Variants in DCHS2 observed in about 807,000 individuals in gnomAD.
DCHS2 encodes protocadherin-23.
Under a neutral mutation model 182.4 loss-of-function variants are expected in DCHS2, and 142 were observed. The observed-to-expected ratio is 0.78, with a 90% CI of 0.68 to 0.89. DCHS2 has a LOEUF of 0.89. Ranked by LOEUF, DCHS2 falls within the 40% of genes least tolerant of loss-of-function variation. The pLI is 0.00. For missense variants in DCHS2, 4,319 were observed against 4,198.6 expected, an observed-to-expected ratio of 1.03 and a Z score of -0.79; for synonymous variants, 1,740 against 1,663.3, an observed-to-expected ratio of 1.05 and a Z score of -1.12.
chr4:154,332,745 T>A lies in DCHS2; in HGVS notation c.3463A>T (p.Thr1155Ser), dbSNP rs1398356548. 1.9e-6 allele frequency: 3 copies of A among 1,614,190 alleles called. No individual in the cohort carries two copies. Among genetic ancestry groups the A allele is most frequent in the Admixed American group, 3.3e-5 (2 of 60,020 alleles). Residue 1155 changes from threonine (T) to serine (S), a missense_variant, in exon 5 of 20, where the codon ACA (threonine) becomes TCA (serine). Thr to Ser is a moderately conservative substitution (Grantham distance 58). Transcript: ENST00000357232. ...CAAGCAAACACTCTAAAATTATATG[T>A]TTGGGTGGATTCATAGTCAAACTGT... ...RRQFDYESTQ[T>S]YNFRVFAWIP...
chr4:154,279,146 T>C lies in DCHS2; in HGVS notation c.6464-9133A>G, dbSNP rs138820710. Among the ~76,000 whole-genome samples the C allele has an allele frequency of 2.4e-3, 372 of 152,242 alleles. 2 individuals carry two copies. Among genetic ancestry groups the C allele is most frequent in the African/African-American group, 8.4e-3 (350 of 41,582 alleles). ...AAGGAGCAGAGTCTTTTGTATGTAA[T>C]TGAGCTAGAGCTGTTATAAAGTAAA... On this transcript the variant is annotated intron_variant, in intron 13 of 19. Transcript: ENST00000357232.
intron 1 of DCHS2, among the ~76,000 whole-genome samples, chr4:154,458,120 G>C (rs1734849754): frequency 1.3e-5 from 2 of 151,556 alleles, no homozygotes; most frequent in East Asian, 3.9e-4. Flanking sequence ...TGAGTTAAAA[G>C]AAGAAAAAAG....
intron 1 of DCHS2, among the ~76,000 whole-genome samples, chr4:154,487,452 G>A (rs871541): frequency 0.7 from 105,934 of 152,058 alleles, 38,003 homozygotes; most frequent in East Asian, 0.99. Context: ...TACTTTGACA[G>A]TGTTAGTCAC....
At chr4:154,441,353 T>G (rs961280855) in intron 1 of DCHS2, among the ~76,000 whole-genome samples, 1 of 152,198 alleles carries the variant, frequency 6.6e-6, no homozygotes, top group Non-Finnish European at 1.5e-5. Context: ...GCAAAGGGAT[T>G]ACACAGTTCA....
intron 1 of DCHS2, among the ~76,000 whole-genome samples, chr4:154,385,553 T>A (rs1731373341): frequency 6.6e-6 from 1 of 152,134 alleles, no homozygotes; most frequent in South Asian, 2.1e-4. Context: ...AGTAGCACAA[T>A]CTCGGCTCAC....
intron 1 of DCHS2, among the ~76,000 whole-genome samples, chr4:154,410,366 G>A (rs1259436124): frequency 6.1e-5 from 8 of 132,182 alleles, no homozygotes; most frequent in African/African-American, 2.0e-4. Flanking sequence ...AACATTCAAC[G>A]AATAATATAA....
chr4:154,368,642 G>C (rs766085527), intron 2 of DCHS2, among the ~76,000 whole-genome samples: 1 of 151,674 alleles, frequency 6.6e-6, no homozygotes, highest in Non-Finnish European at 1.5e-5. Context: ...TCAGCCTCCC[G>C]AATAGCTGGG....
rs931313541 is a variant in DCHS2, at chr4:154,315,833, C to T, written c.5175G>A (p.Lys1725=). ...TCACTGAGGCTTCATACAGGTGCTG[C>T]TTAAATACTGGAGCTTCATCATTTA... ...LDVNDEAPVF[K]QHLYEASVKE... Residue 1725 remains lysine, a synonymous_variant, in exon 10 of 20, where the codon AAG becomes AAA. Transcript: ENST00000357232. 6.2e-7 allele frequency: 1 copy of T among 1,614,030 alleles called. No homozygotes were observed. Among genetic ancestry groups the T allele is most frequent in the South Asian group, 1.1e-5 (1 of 91,078 alleles).
intron 1 of DCHS2, among the ~76,000 whole-genome samples, chr4:154,486,964 G>A (rs539096824): frequency 6.6e-6 from 1 of 152,252 alleles, no homozygotes; most frequent in South Asian, 2.1e-4. Flanking sequence ...AAGCCAAGCT[G>A]AGCTCACCAT....
In DCHS2 at chr4:154,491,216, AG is replaced by A. The variant is rs1176044550; in HGVS notation, c.139del (p.Leu47CysfsTer27). 6.4e-7 allele frequency: 1 copy of A among 1,551,416 alleles called. No individual in the cohort carries two copies. Among genetic ancestry groups the A allele is most frequent in the South Asian group, 1.2e-5 (1 of 84,046 alleles). ...GSSGARTQRS[L>X]LWLLVHVWLW... The stretch of plus-strand genomic sequence containing the variant: ...CCACACGTGCACCAAGAGCCAGAGC[AG>A]GGAGCGCTGCGTCCTGGCGCCGCTG... On this transcript the variant is annotated frameshift_variant, in exon 1 of 20. Coordinates refer to ENST00000357232, the MANE Select transcript of DCHS2 (RefSeq NM_001358235.2). LOFTEE classifies it high-confidence loss of function.
chr4:154,290,285 A>G (rs1006912446), intron 13 of DCHS2, among the ~76,000 whole-genome samples: 4 of 152,112 alleles, frequency 2.6e-5, no homozygotes, highest in Non-Finnish European at 5.9e-5. Flanking sequence ...GATGAAAAAA[A>G]TTGAGGAGGC....
intron 1 of DCHS2, among the ~76,000 whole-genome samples, chr4:154,386,833 T>C (rs1026210377): frequency 1.3e-5 from 2 of 152,320 alleles, no homozygotes; most frequent in South Asian, 2.1e-4. Flanking sequence ...AACAAGATGG[T>C]TCGTGACACT....
rs12500437 is a variant in DCHS2 at position 154,323,323 on chromosome 4, G to T, written c.4019-835C>A. 0.9 allele frequency: 1,390,749 copies of T among 1,544,942 alleles called. 632,183 individuals carry two copies. Among genetic ancestry groups the T allele is most frequent in the South Asian group, 0.94 (78,887 of 83,726 alleles). On this transcript the variant is annotated intron_variant, in intron 7 of 19. Coordinates refer to ENST00000357232, the MANE Select transcript of DCHS2 (RefSeq NM_001358235.2). ...TGCTGTTTTTCCCTTCAGAGGCATAGGTCTAGCTGCCAAAAAAAAAAAAAA... is the reference window on the plus strand; with the variant it reads ...TGCTGTTTTTCCCTTCAGAGGCATATGTCTAGCTGCCAAAAAAAAAAAAAA...
chr4:154,305,118 G>C lies in DCHS2; in HGVS notation c.5374C>G (p.Gln1792Glu). 6.2e-7 allele frequency: 1 copy of C among 1,610,358 alleles called. No individual in the cohort carries two copies. The highest frequency in any genetic ancestry group is 1.3e-5 in the African/African-American group (1 of 74,910). ...VTTTILDREI[Q>E]EVFTLRVLVR... ...TTACCTCGAAGGGTGAAGACTTCTT[G>C]AATTTCTCTGTCAAGTATGGTGGTT... The change falls in exon 11 of 20, where the codon CAA (glutamine) becomes GAA (glutamate). Residue 1792 changes from glutamine to glutamate, a missense_variant. By Grantham distance (29) the Gln-to-Glu change is conservative (BLOSUM62 2). Transcript: ENST00000357232.
chr4:154,269,376 T>G (rs548291957), intron 14 of DCHS2: 1 of 152,858 alleles, frequency 6.5e-6, no homozygotes, highest in South Asian at 2.1e-4. Flanking sequence ...AAGTAATCAA[T>G]TGGTATTCAT....
rs765740474 is a variant in DCHS2, at chr4:154,236,930, G to A, written c.7722C>T (p.Ile2574=). The change falls in exon 20 of 20, where the codon ATC becomes ATT. Residue 2574 remains isoleucine (I), a synonymous_variant. Coordinates refer to ENST00000357232, the MANE Select transcript of DCHS2 (RefSeq NM_001358235.2). ...VGSTLVTFSN[I]DHDWTRENTY... Reference sequence around the variant, plus strand: ...TGTTTTCACGGGTCCAGTCATGGTCGATGTTTGAAAATGTAACAAGCGTGC... The same window carrying A: ...TGTTTTCACGGGTCCAGTCATGGTCAATGTTTGAAAATGTAACAAGCGTGC... 16 of 1,614,040 alleles carry A rather than the reference G, an allele frequency of 9.9e-6. No homozygotes were observed. The highest frequency in any genetic ancestry group is 3.3e-5 in the South Asian group (3 of 91,084).
chr4:154,390,062 C>T (rs894254733), intron 1 of DCHS2, among the ~76,000 whole-genome samples: 5 of 151,910 alleles, frequency 3.3e-5, no homozygotes, highest in African/African-American at 9.7e-5. Context: ...TTTCAGTGAA[C>T]TGACCTAGGC....
rs139778830 is a variant in DCHS2 at position 154,298,033 on chromosome 4, T to C, written c.6281A>G (p.Gln2094Arg). The change falls in exon 13 of 20, where the codon CAA becomes CGA. Residue 2094 changes from glutamine to arginine, a missense_variant. Gln to Arg is a conservative substitution (Grantham distance 43). Coordinates refer to ENST00000357232, the MANE Select transcript of DCHS2 (RefSeq NM_001358235.2). ...FSIDKYTGEI[Q>R]FQQNPSSEYF... is the part of the protein sequence containing the mutation. Reference sequence around the variant, plus strand: ...TTCTGAAGATGGATTTTGCTGAAATTGAATTTCTCCTGTGTATTTATCAAT... The same window carrying C: ...TTCTGAAGATGGATTTTGCTGAAATCGAATTTCTCCTGTGTATTTATCAAT... The C allele has an allele frequency of 6.9e-4, 1,112 of 1,614,086 alleles. 3 individuals are homozygous for C. The highest frequency in any genetic ancestry group is 5.3e-3 in the Middle Eastern group (32 of 6,062).
chr4:154,366,233 A>G lies in DCHS2; in HGVS notation c.2453T>C (p.Leu818Pro), dbSNP rs759909081. The G allele has an allele frequency of 1.2e-6, 2 of 1,613,702 alleles. No individual in the cohort carries two copies. The highest frequency in any genetic ancestry group is 1.7e-6 in the Non-Finnish European group (2 of 1,179,808). The change falls in exon 3 of 20, where the codon CTT (leucine) becomes CCT (proline). Residue 818 changes from leucine to proline, a missense_variant. Transcript: ENST00000357232. ...ACCTGTGGTGGAGTCAATGGTAAAAAGGGACGACACGTTTCCTGGAATAAG... is the reference window on the plus strand; with the variant it reads ...ACCTGTGGTGGAGTCAATGGTAAAAGGGGACGACACGTTTCCTGGAATAAG... ...YELIPGNVSS[L>P]FTIDSTTGII...
Sources: allele counts gnomAD v4.1 joint callset (sites outside exome capture counted in the v4.1 genomes callset), GRCh38; gene constraint gnomAD v4.1.1; transcripts MANE v1.5; gene names NCBI Gene and HGNC (gene_info 2026-07-23, HGNC 2026-07-21).